The following JAKMIP1 variants were observed in gnomAD, a reference collection of about 807,000 sequenced individuals.
JAKMIP1 encodes the protein janus kinase and microtubule-interacting protein 1.
A neutral mutation model predicts 113.0 loss-of-function variants in JAKMIP1; 33 were observed. The observed-to-expected ratio is 0.29, with a 90% CI of 0.22 to 0.39. The LOEUF is 0.39. JAKMIP1 is among the 10% of genes least tolerant of loss of function. The pLI is 1.00. For synonymous variants in JAKMIP1, 480 were observed against 459.9 expected, an observed-to-expected ratio of 1.04 and a Z score of -0.56; for missense variants, 813 against 1,080.5, an observed-to-expected ratio of 0.75 and a Z score of 3.47.
chr4:6,125,079 T>C (rs569524605), intron 1 of JAKMIP1, among the ~76,000 whole-genome samples: 32 of 152,268 alleles, frequency 2.1e-4, no homozygotes, highest in African/African-American at 7.5e-4. Flanking sequence ...TCAAAGGCCA[T>C]AGGGCTAGGA....
chr4:6,098,737 AAG>A (rs1474026973), intron 3 of JAKMIP1, among the ~76,000 whole-genome samples: 6 of 4,240 alleles, frequency 1.4e-3, no homozygotes, highest in East Asian at 0.071. Flanking sequence ...AAAGAAAGAG[AAG>A]GAAGGAAGGA....
intron 16 of JAKMIP1, among the ~76,000 whole-genome samples, chr4:6,048,005 A>G (rs1715212250): frequency 6.6e-6 from 1 of 152,254 alleles, no homozygotes; most frequent in Admixed American, 6.5e-5. Context: ...GAATGGATGG[A>G]TGGGTGAACA....
Position 6,188,236 on chromosome 4 carries a change from G to A in JAKMIP1, c.-148+12017C>T, listed in dbSNP as rs374989045. 3.9e-5 allele frequency among the ~76,000 whole-genome samples: 6 copies of A among 152,290 alleles called. No homozygotes were observed. The East Asian group carries it at 7.7e-4, about 20-fold the overall frequency. ...CCTTCTTACAAGGAGGCAGAATGGGGCCACTGTATTTTCGAGATCCCCTTT... is the reference window on the plus strand; with the variant it reads ...CCTTCTTACAAGGAGGCAGAATGGGACCACTGTATTTTCGAGATCCCCTTT... On this transcript the variant is annotated intron_variant, in intron 1 of 20. Transcript: ENST00000409021. The surrounding 1 kb of genome is among the most constrained non-coding windows in gnomAD (Gnocchi z 5.8).
At chr4:6,053,804 T>A (rs1715978635) in intron 13 of JAKMIP1, 8 of 1,287,124 alleles carry the variant, frequency 6.2e-6, no homozygotes, top group Non-Finnish European at 6.9e-6. Flanking sequence ...CCATAGGCAA[T>A]AAATATATTA....
rs1350842404 is a variant in JAKMIP1, at chr4:6,050,688, A to G, written c.1807-9T>C. 1 of 1,548,410 alleles carries G rather than the reference A, an allele frequency of 6.5e-7. No individual in the cohort carries two copies. On this transcript the variant is annotated splice_polypyrimidine_tract_variant and intron_variant, in intron 13 of 20. Transcript: ENST00000409021. The surrounding 1 kb of genome is among the most constrained non-coding windows in gnomAD (Gnocchi z 7.4). ...GACCTCCTCTCTCTCTCCTGGGGAA[A>G]AGATTCGGTTTAAAAACAGAATGTG...
intron 8 of JAKMIP1, among the ~76,000 whole-genome samples, chr4:6,066,110 G>A (rs939503327): frequency 6.6e-6 from 1 of 151,968 alleles, no homozygotes; most frequent in South Asian, 2.1e-4. Context: ...CCAGCCCAAG[G>A]CTCTGCTGGC....
rs191215008 is a variant in JAKMIP1 at position 6,155,289 on chromosome 4, G to A, written c.-147-42292C>T. ...CTGCGCTCAACGCCTTTTAATACCA[G>A]CAACCACCACTCAACCACCACCACC... On this transcript the variant is annotated intron_variant, in intron 1 of 20. Transcript: ENST00000409021. The surrounding 1 kb of genome is among the most constrained non-coding windows in gnomAD (Gnocchi z 6.1). 1.6e-3 allele frequency among the ~76,000 whole-genome samples: 243 copies of A among 152,158 alleles called. 5 individuals are homozygous for A. The East Asian group carries it at 0.038, about 24-fold the overall frequency.
intron 1 of JAKMIP1, among the ~76,000 whole-genome samples, chr4:6,120,234 ATC>A (rs932324659): frequency 6.6e-6 from 1 of 151,814 alleles, no homozygotes; most frequent in Non-Finnish European, 1.5e-5. Context: ...TAGGAAAAAA[ATC>A]TCTCTCTGAG....
chr4:6,045,073 C>T lies in JAKMIP1; in HGVS notation c.2029-2846G>A, dbSNP rs958540688. The stretch of plus-strand genomic sequence containing the variant: ...GGCCCCTCAGGTGCAGAGCCTGGAT[C>T]CCCTGCAACTGGTGGGGCTCATCTC... On this transcript the variant is annotated intron_variant, in intron 16 of 20. Coordinates refer to ENST00000409021, the MANE Select transcript of JAKMIP1 (RefSeq NM_001099433.2). Among the ~76,000 whole-genome samples, 15 of 152,256 alleles carry T rather than the reference C, an allele frequency of 9.9e-5. 1 individual carries two copies. The highest frequency in any genetic ancestry group is 1.3e-4 in the Admixed American group (2 of 15,290).
rs907441069 is a variant in JAKMIP1 at position 6,180,848 on chromosome 4, C to T, written c.-148+19405G>A. ...GGGAGGAGTCTAGCTGCTCAAGTCC[C>T]AAGCTTAGTATAAAAACTTTTTCTT... On this transcript the variant is annotated intron_variant, in intron 1 of 20. Coordinates refer to ENST00000409021, the MANE Select transcript of JAKMIP1 (RefSeq NM_001099433.2). This position sits in a 1 kb window ranked among gnomAD's most constrained non-coding sequence, Gnocchi z 4.5. Among the ~76,000 whole-genome samples the T allele has an allele frequency of 3.3e-5, 5 of 152,144 alleles. No homozygotes were observed. In the East Asian group the frequency reaches 9.6e-4, roughly 29 times the overall value.
At chr4:6,164,780 A>T (rs184968049) in intron 1 of JAKMIP1, among the ~76,000 whole-genome samples, 8 of 152,226 alleles carry the variant, frequency 5.3e-5, no homozygotes, top group Admixed American at 5.2e-4. Context: ...ATAAGTGGTG[A>T]GAAAAGCAAG....
Position 6,061,041 on chromosome 4 carries a change from G to A in JAKMIP1, c.1561-534C>T. 6.6e-6 allele frequency among the ~76,000 whole-genome samples: 1 copy of A among 152,214 alleles called. No homozygotes were observed. The highest frequency in any genetic ancestry group is 1.9e-4 in the East Asian group (1 of 5,188). On this transcript the variant is annotated intron_variant, in intron 10 of 20. Transcript: ENST00000409021. This position sits in a 1 kb window ranked among gnomAD's most constrained non-coding sequence, Gnocchi z 5.3. ...AACTGGGTGTGGGGTAACAGGGAGT[G>A]GTGGGGACTGTGGCAAGCCAGAGGC... is the stretch of plus-strand genomic sequence containing the variant.
At chr4:6,190,629 G>A (rs568574273) in intron 1 of JAKMIP1, among the ~76,000 whole-genome samples, 6 of 152,102 alleles carry the variant, frequency 3.9e-5, no homozygotes, top group Non-Finnish European at 5.9e-5. Context: ...CCCAGCAGGC[G>A]GCACGATGCC....
In JAKMIP1 at chr4:6,121,021, G is replaced by C. The variant is rs1419374703; in HGVS notation, c.-147-8024C>G. Reference sequence around the variant, plus strand: ...TCAAGACCAGCCCGGCCAACATGGTGAAATCCTGTCTCTACTAAAAATACA... The same window carrying C: ...TCAAGACCAGCCCGGCCAACATGGTCAAATCCTGTCTCTACTAAAAATACA... On this transcript the variant is annotated intron_variant, in intron 1 of 20. Coordinates refer to ENST00000409021, the MANE Select transcript of JAKMIP1 (RefSeq NM_001099433.2). Among the ~76,000 whole-genome samples the C allele has an allele frequency of 3.3e-5, 5 of 152,198 alleles. No homozygotes were observed. In the South Asian group the frequency reaches 1.0e-3, roughly 32 times the overall value.
At chr4:6,058,481 A>G (rs1716793290) in intron 11 of JAKMIP1, among the ~76,000 whole-genome samples, 1 of 152,198 alleles carries the variant, frequency 6.6e-6, no homozygotes, top group African/African-American at 2.4e-5. Flanking sequence ...CTTATTTGGA[A>G]ATGTTATTAC....
rs1720218475 is a variant in JAKMIP1 at position 6,141,933 on chromosome 4, T to C, written c.-147-28936A>G. Among the ~76,000 whole-genome samples the C allele has an allele frequency of 1.3e-5, 2 of 152,148 alleles. No homozygotes were observed. Among genetic ancestry groups the C allele is most frequent in the South Asian group, 4.2e-4 (2 of 4,816 alleles). ...CTCTCATTTTAAAAATCAAGTTTAC[T>C]CCAATAAAGAAACTTGGGAGAACAC... On this transcript the variant is annotated intron_variant, in intron 1 of 20. Coordinates refer to ENST00000409021, the MANE Select transcript of JAKMIP1 (RefSeq NM_001099433.2). The surrounding 1 kb of genome is among the most constrained non-coding windows in gnomAD (Gnocchi z 9.4).
At chr4:6,177,877 T>A (rs1293007561) in intron 1 of JAKMIP1, among the ~76,000 whole-genome samples, 2 of 152,176 alleles carry the variant, frequency 1.3e-5, no homozygotes, top group African/African-American at 4.8e-5. Context: ...CCACAACTCC[T>A]CTTCCCCAGC....
rs1456217672 is a variant in JAKMIP1, at chr4:6,197,770, T to C, written c.-148+2483A>G. Among the ~76,000 whole-genome samples, 4 of 152,228 alleles carry C rather than the reference T, an allele frequency of 2.6e-5. No homozygotes were observed. The highest frequency in any genetic ancestry group is 6.5e-5 in the Admixed American group (1 of 15,278). ...AGGGCCTGAATGGGAACCCTGGCAG[T>C]CTGGCTCAGAGCCTGAAGAGACACA... On this transcript the variant is annotated intron_variant, in intron 1 of 20. Coordinates refer to ENST00000409021, the MANE Select transcript of JAKMIP1 (RefSeq NM_001099433.2). This position sits in a 1 kb window ranked among gnomAD's most constrained non-coding sequence, Gnocchi z 6.5.
rs540850396 is a variant in JAKMIP1, at chr4:6,140,058, C to T, written c.-147-27061G>A. 2.6e-4 allele frequency among the ~76,000 whole-genome samples: 40 copies of T among 152,162 alleles called. No homozygotes were observed. Among genetic ancestry groups the T allele is most frequent in the South Asian group, 1.0e-3 (5 of 4,812 alleles). The stretch of plus-strand genomic sequence containing the variant: ...TTGTCTTGTGTATTCCATGGTACAG[C>T]GGCCCTAGGAAACGAATATATTTAT... On this transcript the variant is annotated intron_variant, in intron 1 of 20. Transcript: ENST00000409021. This position sits in a 1 kb window ranked among gnomAD's most constrained non-coding sequence, Gnocchi z 9.4.
Sources: allele counts gnomAD v4.1 joint callset (sites outside exome capture counted in the v4.1 genomes callset), GRCh38; gene constraint gnomAD v4.1.1; non-coding constraint Gnocchi (gnomAD v3.1); transcripts MANE v1.5; gene names NCBI Gene and HGNC (gene_info 2026-07-23, HGNC 2026-07-21).